AVEN: variants seen among roughly 807,000 people sequenced by gnomAD.
The protein encoded by AVEN is apoptosis and caspase activation inhibitor.
AVEN carries 41 observed loss-of-function variants against 38.1 expected under a neutral mutation model. The observed-to-expected ratio is 1.08, with a 90% CI of 0.84 to 1.40. AVEN has a LOEUF of 1.40. Ranked by LOEUF, AVEN falls within the 40% of genes most tolerant of loss-of-function variation. AVEN has a pLI of 0.00. For missense variants in AVEN, 605 were observed against 438.8 expected (o/e 1.38, Z -3.38); for synonymous variants, 206 against 171.8 (o/e 1.20, Z -1.56).
intron 2 of AVEN, among the ~76,000 whole-genome samples, chr15:33,917,348 TGTG>T (rs566290103): frequency 4.7e-5 from 3 of 63,512 alleles, no homozygotes; most frequent in African/African-American, 1.2e-4. Context: ...ATAAAGAAAA[TGTG>T]GTGTGTGTGT....
At chr15:33,919,087 A>C (rs1597230991) in intron 2 of AVEN, among the ~76,000 whole-genome samples, 1 of 151,850 alleles carries the variant, frequency 6.6e-6, no homozygotes, top group Admixed American at 6.6e-5. Context: ...ACGCCCGGCT[A>C]ATTTTTTGTA....
upstream of AVEN, among the ~76,000 whole-genome samples, chr15:34,039,581 G>A (rs2684941): frequency 0.49 from 74,465 of 151,940 alleles, 21,033 homozygotes; most frequent in Non-Finnish European, 0.64. Context: ...CCGAAGTCAG[G>A]GTTCAGGAGG....
chr15:33,924,528 C>T (rs1026621455), intron 2 of AVEN, among the ~76,000 whole-genome samples: 1 of 152,106 alleles, frequency 6.6e-6, no homozygotes, highest in Non-Finnish European at 1.5e-5. Flanking sequence ...TGCCATGTTG[C>T]CCAGACTGGT....
At chr15:33,862,652 C>A (rs1888758248), downstream of AVEN, among the ~76,000 whole-genome samples, 1 of 152,036 alleles carries the variant, frequency 6.6e-6, no homozygotes, top group Non-Finnish European at 1.5e-5. Context: ...TCTCTGTCAC[C>A]CAGGCTGAAG....
chr15:33,969,740 T>C (rs1026657621), intron 2 of AVEN, among the ~76,000 whole-genome samples: 1 of 152,046 alleles, frequency 6.6e-6, no homozygotes, highest in African/African-American at 2.4e-5. Context: ...TATAACAGAC[T>C]AAATGAAGAC....
chr15:33,923,735 C>T (rs188506418), intron 2 of AVEN, among the ~76,000 whole-genome samples: 1 of 152,144 alleles, frequency 6.6e-6, no homozygotes, highest in East Asian at 1.9e-4. Context: ...GGCCACACAG[C>T]AGGAGGTAAG....
chr15:33,907,092 TTA>T (rs1445921972), intron 2 of AVEN, among the ~76,000 whole-genome samples: 5 of 152,090 alleles, frequency 3.3e-5, no homozygotes, highest in Middle Eastern at 3.2e-3. Context: ...AGAAAAATAA[TTA>T]TAGACTTGGA....
At chr15:34,068,423 T>C (rs1900560262) in intron 2 of AVEN, among the ~76,000 whole-genome samples, 2 of 152,186 alleles carry the variant, frequency 1.3e-5, no homozygotes, top group Admixed American at 6.5e-5. Context: ...CTCAAGCTAG[T>C]CTTGAACTCC....
At chr15:33,868,012 G>A (rs984158830) in intron 4 of AVEN, among the ~76,000 whole-genome samples, 157 bp from the exon 5 acceptor site, 2 of 152,200 alleles carry the variant, frequency 1.3e-5, no homozygotes, top group Admixed American at 6.5e-5. Context: ...CCCTGGTGGG[G>A]GCACCCTTCC....
intron 11 of AVEN, among the ~76,000 whole-genome samples, chr15:33,860,234 GA>G (rs1429223220): frequency 3.3e-5 from 5 of 152,218 alleles, no homozygotes; most frequent in Admixed American, 2.6e-4. Context: ...AGTAACTGAG[GA>G]GGAACCCTGA....
chr15:33,910,855 G>A (rs938219735), intron 2 of AVEN, among the ~76,000 whole-genome samples: 1 of 152,178 alleles, frequency 6.6e-6, no homozygotes, highest in African/African-American at 2.4e-5. Flanking sequence ...TGCCACTGCT[G>A]ACTAGTTATC....
intron 2 of AVEN, among the ~76,000 whole-genome samples, chr15:33,996,857 T>G (rs1896957360): frequency 6.6e-6 from 1 of 152,192 alleles, no homozygotes; most frequent in South Asian, 2.1e-4. Flanking sequence ...GAGAATGACT[T>G]TGATGAGCTG....
chr15:33,905,417 G>C (rs1171142846), intron 2 of AVEN, among the ~76,000 whole-genome samples: 2 of 152,190 alleles, frequency 1.3e-5, no homozygotes, highest in African/African-American at 2.4e-5. Context: ...AGCTTGCCCA[G>C]TATCTGACAT....
intron 2 of AVEN, among the ~76,000 whole-genome samples, chr15:33,955,990 T>A (rs913877760): frequency 2.0e-5 from 3 of 152,196 alleles, no homozygotes; most frequent in Non-Finnish European, 4.4e-5. Context: ...AGTGTTAAAT[T>A]TTCATTCCAT....
At chr15:33,870,867 G>T (rs1215804923) in intron 4 of AVEN, 68 bp downstream of exon 4, 4 of 1,126,334 alleles carry the variant, frequency 3.6e-6, no homozygotes, top group Non-Finnish European at 5.2e-6. Flanking sequence ...CCTGCTGAGG[G>T]AAGTGTTCCC....
At chr15:33,954,855 G>A in intron 2 of AVEN, among the ~76,000 whole-genome samples, 1 of 152,050 alleles carries the variant, frequency 6.6e-6, no homozygotes, top group East Asian at 1.9e-4. Context: ...TCTTAACTAA[G>A]ATAAATAATA....
intron 1 of AVEN, among the ~76,000 whole-genome samples, chr15:34,032,140 C>T (rs1330587118): frequency 6.6e-6 from 1 of 152,048 alleles, no homozygotes; most frequent in Non-Finnish European, 1.5e-5. Context: ...CTATGTGTCA[C>T]TATGGTCTTT....
intron 2 of AVEN, among the ~76,000 whole-genome samples, chr15:33,922,743 T>A (rs1893448764): frequency 6.6e-6 from 1 of 152,308 alleles, no homozygotes; most frequent in South Asian, 2.1e-4. Flanking sequence ...AGTTCCTGAT[T>A]TGACAACCTA....
chr15:33,865,485 A>G (rs756517842), downstream of AVEN: 3 of 411,880 alleles, frequency 7.3e-6, no homozygotes, highest in Non-Finnish European at 1.3e-5. Context: ...AATGCCTTCA[A>G]GTTTTCCAGT....
Sources: allele counts gnomAD v4.1 joint callset (sites outside exome capture counted in the v4.1 genomes callset), GRCh38; gene constraint gnomAD v4.1.1; transcripts MANE v1.5; gene names NCBI Gene and HGNC (gene_info 2026-07-23, HGNC 2026-07-21).